PTK2: variants seen among roughly 807,000 people sequenced by gnomAD.
PTK2 encodes focal adhesion kinase 1.
In PTK2, 45 loss-of-function variants were observed where a neutral mutation model predicts 150.1. That is an observed-to-expected ratio of 0.30 (90% confidence interval 0.24 to 0.38). The LOEUF (loss-of-function observed/expected upper bound fraction) is 0.38. Among genes scored for constraint, PTK2 ranks in the 10% least tolerant of loss-of-function variants. PTK2 has a pLI of 1.00. For synonymous variants in PTK2, 432 were observed against 449.2 expected (o/e 0.96, Z 0.48); for missense variants, 919 against 1,307.3 (o/e 0.70, Z 4.58).
At chr8:140,829,511 G>A (rs2154602777) in intron 8 of PTK2, among the ~76,000 whole-genome samples, 1 of 152,244 alleles carries the variant, frequency 6.6e-6, no homozygotes, top group South Asian at 2.1e-4. Flanking sequence ...TCTCGTGTTA[G>A]AAATGGATTT....
At chr8:140,917,775 T>C (rs574373085) in intron 2 of PTK2, among the ~76,000 whole-genome samples, 3 of 152,318 alleles carry the variant, frequency 2.0e-5, no homozygotes, top group South Asian at 2.1e-4. Context: ...TACAGTCTAA[T>C]AGAAGACAGA....
chr8:140,752,390 G>A (rs1263238569), intron 16 of PTK2, 74 bp from the exon 20 acceptor site: 4 of 1,382,268 alleles, frequency 2.9e-6, no homozygotes, highest in South Asian at 1.2e-5. Flanking sequence ...ATGAAAACCT[G>A]TCTGTTTTGC....
chr8:140,776,700 G>A (rs1321528142), intron 14 of PTK2, among the ~76,000 whole-genome samples: 2 of 152,194 alleles, frequency 1.3e-5, no homozygotes, highest in Non-Finnish European at 2.9e-5. Context: ...AGTCTGAAAT[G>A]CTTATGAGAC....
chr8:140,692,016 A>AT lies in PTK2; in HGVS notation c.2500-5323dup, dbSNP rs2100023477. 6.6e-5 allele frequency among the ~76,000 whole-genome samples: 10 copies of AT among 152,328 alleles called. No individual in the cohort carries two copies. In the South Asian group the frequency reaches 2.1e-3, roughly 32 times the overall value. On this transcript the variant is annotated intron_variant, in intron 26 of 31. Transcript: ENST00000522684. The stretch of plus-strand genomic sequence containing the variant: ...TTTACTTAAACAAAAAATGCAACTC[A>AT]TATTTTTGCCTATAGAATAAGGTAT...
intron 23 of PTK2, among the ~76,000 whole-genome samples, chr8:140,708,813 T>C (rs979419716): frequency 3.3e-5 from 5 of 152,140 alleles, no homozygotes; most frequent in African/African-American, 9.7e-5. Context: ...TTTAAAGATA[T>C]GTGTTAATAT....
intron 1 of PTK2, among the ~76,000 whole-genome samples, chr8:140,927,963 A>G (rs1392931267): frequency 3.3e-4 from 22 of 67,068 alleles, no homozygotes; most frequent in African/African-American, 1.0e-3. Flanking sequence ...AAAAAGAAAA[A>G]AAAAAAAAAA....
At chr8:140,913,125 T>G (rs140405179) in intron 2 of PTK2, among the ~76,000 whole-genome samples, 1,918 of 152,120 alleles carry the variant, frequency 0.013, 44 homozygotes, top group African/African-American at 0.043. Flanking sequence ...GATGAAGATA[T>G]AAAGGTCAGA....
intron 8 of PTK2, among the ~76,000 whole-genome samples, chr8:140,819,653 T>C (rs914197523): frequency 6.6e-6 from 1 of 152,188 alleles, no homozygotes; most frequent in African/African-American, 2.4e-5. Context: ...ATTACATTGT[T>C]ACATGAAAAA....
chr8:140,892,952 T>TTA (rs1177703911), intron 2 of PTK2, among the ~76,000 whole-genome samples: 1 of 152,198 alleles, frequency 6.6e-6, no homozygotes, highest in East Asian at 1.9e-4. Flanking sequence ...CCTCAAAAGG[T>TTA]TAAACATGGA....
intron 1 of PTK2, among the ~76,000 whole-genome samples, chr8:140,982,607 G>C (rs2100191858): frequency 6.6e-6 from 1 of 151,924 alleles, no homozygotes; most frequent in Admixed American, 6.6e-5. Context: ...CAAAAAAAAA[G>C]AAAGAAAGAA....
At chr8:140,684,180 C>A (rs1485578376) in intron 27 of PTK2, among the ~76,000 whole-genome samples, 1 of 152,154 alleles carries the variant, frequency 6.6e-6, no homozygotes, top group East Asian at 1.9e-4. Flanking sequence ...GCACCAGGGA[C>A]AGGTTTCGTG....
chr8:140,817,859 A>T (rs1489383274), intron 10 of PTK2, among the ~76,000 whole-genome samples: 2 of 152,194 alleles, frequency 1.3e-5, no homozygotes, highest in Non-Finnish European at 2.9e-5. Context: ...GAGGTAAATA[A>T]GGTTAATAAG....
chr8:140,855,657 CAG>C (rs1159403152), intron 5 of PTK2, among the ~76,000 whole-genome samples: 1 of 151,966 alleles, frequency 6.6e-6, no homozygotes, highest in Non-Finnish European at 1.5e-5. Flanking sequence ...GCCACAGACT[CAG>C]AGAAAATACT....
At chr8:140,856,892 G>A (rs1286768552) in intron 5 of PTK2, among the ~76,000 whole-genome samples, 1 of 152,142 alleles carries the variant, frequency 6.6e-6, no homozygotes, top group Non-Finnish European at 1.5e-5. Flanking sequence ...ATGGATTAAT[G>A]GCTAAAGGGA....
At chr8:140,931,549 G>A (rs1457255966) in intron 1 of PTK2, among the ~76,000 whole-genome samples, 2 of 152,042 alleles carry the variant, frequency 1.3e-5, no homozygotes, top group East Asian at 3.9e-4. Flanking sequence ...CTAGGTGACA[G>A]AACAAGACCT....
intron 3 of PTK2, among the ~76,000 whole-genome samples, chr8:140,881,024 C>T (rs2100148786): frequency 6.6e-6 from 1 of 152,136 alleles, no homozygotes; most frequent in Non-Finnish European, 1.5e-5. Flanking sequence ...AGAGAGAAAG[C>T]ATCAACAGAG....
At chr8:140,784,060 G>A (rs994915816) in intron 14 of PTK2, among the ~76,000 whole-genome samples, 1 of 150,822 alleles carries the variant, frequency 6.6e-6, no homozygotes, top group Non-Finnish European at 1.5e-5. Context: ...CTACTCGGGA[G>A]GCAGAGGCAG....
At chr8:140,674,120 T>C in intron 29 of PTK2, 178 bp downstream of exon 32, 1 of 760,562 alleles carries the variant, frequency 1.3e-6, no homozygotes, top group Non-Finnish European at 2.4e-6. Context: ...AGCTTTTCCC[T>C]GACTCTCAGA....
In PTK2 at chr8:140,752,325, G is replaced by T; in HGVS notation, c.1333-9C>A. On this transcript the variant is annotated splice_polypyrimidine_tract_variant and intron_variant, in intron 16 of 31. Coordinates refer to ENST00000522684, the Ensembl canonical transcript of PTK2. ...GCCAAAGCTGGATTCTCCTGTGTTA[G>T]GGAAATTATAGAATCACACACACAT... The T allele has an allele frequency of 6.2e-7, 1 of 1,611,858 alleles. No individual in the cohort carries two copies. The highest frequency in any genetic ancestry group is 8.5e-7 in the Non-Finnish European group (1 of 1,178,252).
Sources: allele counts gnomAD v4.1 joint callset (sites outside exome capture counted in the v4.1 genomes callset), GRCh38; gene constraint gnomAD v4.1.1; transcripts MANE v1.5; gene names NCBI Gene and HGNC (gene_info 2026-07-23, HGNC 2026-07-21).